Variants in ADGRA3 observed in about 807,000 individuals in gnomAD.
The protein encoded by ADGRA3 is adhesion G protein-coupled receptor A3.
In ADGRA3, 56 loss-of-function variants were observed where a neutral mutation model predicts 119.8. That is an observed-to-expected ratio of 0.47 (90% CI 0.38 to 0.58). The LOEUF (loss-of-function observed/expected upper bound fraction) is 0.58. Ranked by LOEUF, ADGRA3 falls within the 20% of genes least tolerant of loss-of-function variation. The pLI, the probability that ADGRA3 is intolerant of heterozygous loss-of-function variation, is 0.00. For missense variants in ADGRA3, 1,516 were observed against 1,649.0 expected (o/e 0.92, Z 1.40); for synonymous variants, 607 against 623.8 (o/e 0.97, Z 0.40).
chr4:22,470,637 T>C (rs1717827231), intron 2 of ADGRA3, among the ~76,000 whole-genome samples: 1 of 152,212 alleles, frequency 6.6e-6, no homozygotes, highest in South Asian at 2.1e-4. Flanking sequence ...CGTCCGGTTA[T>C]TCTGTTCTCA....
At chr4:22,450,954 A>G in intron 4 of ADGRA3, among the ~76,000 whole-genome samples, 1 of 113,834 alleles carries the variant, frequency 8.8e-6, no homozygotes, top group Admixed American at 9.0e-5. Context: ...AAAAAAAAAT[A>G]TATATATATA....
At chr4:22,437,863 A>T (rs1577348542) in intron 8 of ADGRA3, among the ~76,000 whole-genome samples, 1 of 152,180 alleles carries the variant, frequency 6.6e-6, no homozygotes, top group Non-Finnish European at 1.5e-5. Flanking sequence ...AAAGTACCTT[A>T]GCAATATAAA....
intron 8 of ADGRA3, among the ~76,000 whole-genome samples, chr4:22,437,234 T>C (rs1577348182): frequency 6.6e-6 from 1 of 152,264 alleles, no homozygotes; most frequent in East Asian, 1.9e-4. Flanking sequence ...ATAAAAGACT[T>C]ATCCATTGGC....
intron 14 of ADGRA3, among the ~76,000 whole-genome samples, chr4:22,410,652 A>C (rs1275618635): frequency 6.6e-6 from 1 of 152,172 alleles, no homozygotes; most frequent in African/African-American, 2.4e-5. Context: ...AGGAAAAAAG[A>C]CACTGCTTTC....
chr4:22,447,371 T>G, intron 5 of ADGRA3, 69 bp downstream of exon 5: 1 of 954,644 alleles, frequency 1.0e-6, no homozygotes, highest in Non-Finnish European at 1.6e-6. Context: ...AACCACATAA[T>G]AAATGTTTTT....
intron 4 of ADGRA3, among the ~76,000 whole-genome samples, chr4:22,448,768 T>A (rs894574523): frequency 2.0e-5 from 3 of 152,162 alleles, no homozygotes; most frequent in Non-Finnish European, 4.4e-5. Flanking sequence ...TATTTTATAA[T>A]TTTTTTGTAA....
intron 4 of ADGRA3, among the ~76,000 whole-genome samples, chr4:22,451,190 C>T (rs541156445): frequency 6.6e-6 from 1 of 151,752 alleles, no homozygotes; most frequent in Non-Finnish European, 1.5e-5. Flanking sequence ...AAGGGAAGTT[C>T]TTATAAATAC....
chr4:22,426,951 T>C (rs1715964985), intron 10 of ADGRA3, among the ~76,000 whole-genome samples: 3 of 152,188 alleles, frequency 2.0e-5, no homozygotes, highest in African/African-American at 7.2e-5. Flanking sequence ...AGAAGGGTAT[T>C]GACTCTTGCT....
intron 3 of ADGRA3, among the ~76,000 whole-genome samples, chr4:22,457,076 C>T (rs1577360134): frequency 6.6e-6 from 1 of 152,222 alleles, no homozygotes; most frequent in African/African-American, 2.4e-5. Flanking sequence ...GTGCAATCAC[C>T]ATTGATTCTC....
At position 22,420,986 on chromosome 4, in the gene ADGRA3, C is replaced by T; in HGVS notation, c.1709G>A (p.Gly570Glu). The stretch of plus-strand genomic sequence containing the variant: ...ATCCCGCCTCCCATAATCCGAAAGT[C>T]CTGTACGATCAGAGGCTGCCACTTT... ...FQKVAASDRT[G>E]LSDYGRRDPE... is the part of the protein sequence containing the mutation. Residue 570 changes from glycine to glutamate, a missense_variant, in exon 12 of 19, where the codon GGA (glycine) becomes GAA (glutamate). Physicochemically the swap from Gly to Glu is moderately conservative, Grantham distance 98. Coordinates refer to ENST00000334304, the MANE Select transcript of ADGRA3 (RefSeq NM_145290.4). 6.2e-7 allele frequency: 1 copy of T among 1,614,094 alleles called. No individual in the cohort carries two copies. Among genetic ancestry groups the T allele is most frequent in the Non-Finnish European group, 8.5e-7 (1 of 1,180,002 alleles).
chr4:22,420,821 C>A, intron 12 of ADGRA3, 65 bp downstream of exon 12: 1 of 1,474,206 alleles, frequency 6.8e-7, no homozygotes, highest in Non-Finnish European at 9.5e-7. Context: ...TTTTGCGAAG[C>A]AGAACATTTG....
chr4:22,457,439 C>G, intron 3 of ADGRA3, among the ~76,000 whole-genome samples: 1 of 152,088 alleles, frequency 6.6e-6, no homozygotes, highest in East Asian at 1.9e-4. Context: ...CTTTATATCC[C>G]GTTGAGTTTA....
chr4:22,496,545 C>A (rs1158807556), intron 1 of ADGRA3, among the ~76,000 whole-genome samples: 1 of 152,166 alleles, frequency 6.6e-6, no homozygotes, highest in Non-Finnish European at 1.5e-5. Context: ...AGTCCGTGGT[C>A]CAAATCCTGG....
At chr4:22,427,223 T>G (rs549801509) in intron 10 of ADGRA3, among the ~76,000 whole-genome samples, 2 of 152,202 alleles carry the variant, frequency 1.3e-5, no homozygotes, top group Non-Finnish European at 2.9e-5. Context: ...AATATTGATT[T>G]TATTGTAAGG....
At chr4:22,487,942 G>T (rs1387564360) in intron 1 of ADGRA3, among the ~76,000 whole-genome samples, 1 of 152,062 alleles carries the variant, frequency 6.6e-6, no homozygotes, top group Non-Finnish European at 1.5e-5. Flanking sequence ...GGCGGGTGAA[G>T]CCAGAGCTTG....
intron 12 of ADGRA3, among the ~76,000 whole-genome samples, chr4:22,415,822 T>C (rs1400422435): frequency 6.6e-6 from 1 of 151,878 alleles, no homozygotes; most frequent in East Asian, 1.9e-4. Flanking sequence ...CAAGTTTAAA[T>C]CTGTAGAACC....
chr4:22,410,144 T>G (rs1715134254), intron 14 of ADGRA3, among the ~76,000 whole-genome samples: 1 of 151,922 alleles, frequency 6.6e-6, no homozygotes, highest in African/African-American at 2.4e-5. Context: ...AAAAGAAAAT[T>G]AATGAATGCT....
Position 22,431,521 on chromosome 4 carries a change from A to G in ADGRA3, c.1443+3790T>C, listed in dbSNP as rs768435320. On this transcript the variant is annotated intron_variant, in intron 10 of 18. Coordinates refer to ENST00000334304, the MANE Select transcript of ADGRA3 (RefSeq NM_145290.4). ...ATTTGACTGCTCCGCTGTTGTGTGAATAAGTCTCACAAAATCTGATGGTTT... is the reference window on the plus strand; with the variant it reads ...ATTTGACTGCTCCGCTGTTGTGTGAGTAAGTCTCACAAAATCTGATGGTTT... 9.2e-5 allele frequency among the ~76,000 whole-genome samples: 14 copies of G among 152,210 alleles called. 1 individual carries two copies. The highest frequency in any genetic ancestry group is 1.9e-4 in the Non-Finnish European group (13 of 68,044).
chr4:22,497,942 TAAAAAAAA>T (rs74413790), intron 1 of ADGRA3, among the ~76,000 whole-genome samples: 4 of 111,474 alleles, frequency 3.6e-5, no homozygotes, highest in African/African-American at 1.0e-4. Context: ...AGACCCCATC[TAAAAAAAA>T]AAAAAAAAGG....
Sources: gnomAD v4.1 joint callset for allele counts (sites outside exome capture counted in the v4.1 genomes callset) on GRCh38, gnomAD v4.1.1 for gene constraint, MANE v1.5 for transcripts, NCBI Gene and HGNC (gene_info 2026-07-23, HGNC 2026-07-21) for gene names.